The following ATP1B1 variants were observed in gnomAD, a reference collection of about 807,000 sequenced individuals.
ATP1B1 encodes the protein sodium/potassium-transporting ATPase subunit beta-1.
In ATP1B1, 3 loss-of-function variants were observed where a neutral mutation model predicts 39.6. The observed-to-expected ratio is 0.08, with a 90% confidence interval of 0.03 to 0.20. The LOEUF is 0.20. Among genes scored for constraint, ATP1B1 ranks in the 10% least tolerant of loss-of-function variants. The pLI, the probability that ATP1B1 is intolerant of heterozygous loss-of-function variation, is 1.00. For missense variants in ATP1B1, 216 were observed against 371.1 expected, an observed-to-expected ratio of 0.58 and a Z score of 3.43; for synonymous variants, 139 against 135.0, an observed-to-expected ratio of 1.03 and a Z score of -0.20.
At chr1:169,122,492 G>T (rs894646472) in intron 2 of ATP1B1, among the ~76,000 whole-genome samples, 5 of 151,988 alleles carry the variant, frequency 3.3e-5, no homozygotes, top group African/African-American at 1.2e-4. Context: ...CTGCTGTTTT[G>T]CACCATAAAT....
At chr1:169,108,643 AG>A (rs1336458347) in intron 1 of ATP1B1, among the ~76,000 whole-genome samples, 2 of 152,190 alleles carry the variant, frequency 1.3e-5, no homozygotes, top group Non-Finnish European at 2.9e-5. Flanking sequence ...TTAGAGGGTA[AG>A]GCAGTATGGA....
intron 2 of ATP1B1, among the ~76,000 whole-genome samples, chr1:169,114,746 C>T (rs534790828): frequency 2.6e-4 from 39 of 152,184 alleles, no homozygotes; most frequent in Non-Finnish European, 3.7e-4. Flanking sequence ...GTGTTGCAGC[C>T]GGTGTGGTAG....
chr1:169,109,779 G>C (rs1208542530), intron 1 of ATP1B1, among the ~76,000 whole-genome samples: 1 of 151,872 alleles, frequency 6.6e-6, no homozygotes, highest in African/African-American at 2.4e-5. Context: ...AGGTGGGGGT[G>C]GGGGGCAGCA....
chr1:169,123,548 C>T (rs1658026560), intron 2 of ATP1B1, among the ~76,000 whole-genome samples: 1 of 151,290 alleles, frequency 6.6e-6, no homozygotes, highest in South Asian at 2.1e-4. Context: ...AGGGTGCCCA[C>T]TTAAGTTTGA....
At chr1:169,110,732 CT>C (rs1354212120) in intron 1 of ATP1B1, 3 of 1,238,786 alleles carry the variant, frequency 2.4e-6, no homozygotes, top group Non-Finnish European at 2.1e-6. Context: ...ATAGAATTTT[CT>C]TTTTTTCCCC....
chr1:169,115,473 C>T (rs1395178885), intron 2 of ATP1B1, among the ~76,000 whole-genome samples: 2 of 151,628 alleles, frequency 1.3e-5, no homozygotes, highest in East Asian at 2.0e-4. Context: ...CTCAGCCTCC[C>T]GAGTAGCTGG....
Position 169,132,067 on chromosome 1 carries a change from G to A in ATP1B1, c.*512G>A. ...GTTTTTTGGCTCTTTCAAAGGTAAT[G>A]GCCCATCGATGAGCATTTTTAACAT... On this transcript the variant is annotated 3_prime_UTR_variant, in exon 6 of 6. Coordinates refer to ENST00000367815, the MANE Select transcript of ATP1B1 (RefSeq NM_001677.4). The A allele has an allele frequency of 2.5e-5, 7 of 274,518 alleles. No homozygotes were observed. Among genetic ancestry groups the A allele is most frequent in the South Asian group, 2.3e-4 (7 of 30,946 alleles). The allele number at this position is 274,518 out of a possible 1,614,324, so 17.0% of individuals were successfully genotyped here.
chr1:169,113,018 C>T (rs1657760416), intron 2 of ATP1B1, among the ~76,000 whole-genome samples: 1 of 150,990 alleles, frequency 6.6e-6, no homozygotes, highest in Non-Finnish European at 1.5e-5. Context: ...TGTTTTTGTT[C>T]TTTGTTATGC....
At chr1:169,112,023 T>G (rs1012649024) in intron 2 of ATP1B1, among the ~76,000 whole-genome samples, 3 of 152,150 alleles carry the variant, frequency 2.0e-5, no homozygotes, top group African/African-American at 7.2e-5. Flanking sequence ...AGCCATGACT[T>G]TAGGGGTCTA....
intron 2 of ATP1B1, among the ~76,000 whole-genome samples, chr1:169,115,640 C>T (rs552970024): frequency 6.6e-6 from 1 of 152,260 alleles, no homozygotes; most frequent in South Asian, 2.1e-4. Context: ...TGAGCCACCG[C>T]ACCTGGTCCA....
At chr1:169,120,372 T>G (rs989852669) in intron 2 of ATP1B1, among the ~76,000 whole-genome samples, 1 of 152,158 alleles carries the variant, frequency 6.6e-6, no homozygotes, top group African/African-American at 2.4e-5. Context: ...AAGGCTTATG[T>G]TAGTTACCAC....
chr1:169,125,671 C>T (rs1352486916), intron 3 of ATP1B1, among the ~76,000 whole-genome samples: 5 of 152,138 alleles, frequency 3.3e-5, no homozygotes, highest in Non-Finnish European at 7.4e-5. Context: ...TGTTCTCATT[C>T]TTTCCACAAA....
intron 4 of ATP1B1, 103 bp downstream of exon 4, chr1:169,127,511 C>A: frequency 1.5e-6 from 2 of 1,293,046 alleles, no homozygotes; most frequent in Non-Finnish European, 2.1e-6. Context: ...ATACTCAGTG[C>A]TGACTTTGAA....
At chr1:169,110,236 C>T (rs1657698119) in intron 1 of ATP1B1, among the ~76,000 whole-genome samples, 1 of 151,990 alleles carries the variant, frequency 6.6e-6, no homozygotes, top group South Asian at 2.1e-4. Flanking sequence ...CAGTTGTGTA[C>T]CCACTCCCTC....
chr1:169,113,130 A>G (rs1439361487), intron 2 of ATP1B1, among the ~76,000 whole-genome samples: 1 of 151,904 alleles, frequency 6.6e-6, no homozygotes, highest in Admixed American at 6.6e-5. Context: ...CAGTGGCGCA[A>G]TCTCAGCTCA....
intron 4 of ATP1B1, among the ~76,000 whole-genome samples, chr1:169,129,808 C>T (rs1198929268): frequency 1.3e-5 from 2 of 152,196 alleles, no homozygotes; most frequent in Non-Finnish European, 2.9e-5. Flanking sequence ...AACTTGGGCA[C>T]TTATTTTCAT....
rs1195762958 is a variant in ATP1B1, at chr1:169,131,499, A to G, written c.856A>G (p.Ser286Gly). ...GGCGTACGGTGAGAACATTGGGTAC[A>G]GTGAGAAAGACCGTTTTCAGGGACG... ...CKAYGENIGY[S>G]EKDRFQGRFD... Residue 286 changes from serine to glycine, a missense_variant, in exon 6 of 6, where the codon AGT (serine) becomes GGT (glycine). Coordinates refer to ENST00000367815, the MANE Select transcript of ATP1B1 (RefSeq NM_001677.4). The surrounding 1 kb of genome is among the most constrained non-coding windows in gnomAD (Gnocchi z 4.4). 6.2e-7 allele frequency: 1 copy of G among 1,614,168 alleles called. No homozygotes were observed. Among genetic ancestry groups the G allele is most frequent in the Non-Finnish European group, 8.5e-7 (1 of 1,180,030 alleles).
At chr1:169,112,656 C>T (rs925882375) in intron 2 of ATP1B1, among the ~76,000 whole-genome samples, 3 of 152,090 alleles carry the variant, frequency 2.0e-5, no homozygotes, top group Admixed American at 6.5e-5. Context: ...CTTCAAAATA[C>T]GGAGGTGGCA....
chr1:169,109,646 G>A (rs1179839626), intron 1 of ATP1B1, among the ~76,000 whole-genome samples: 1 of 152,134 alleles, frequency 6.6e-6, no homozygotes, highest in Non-Finnish European at 1.5e-5. Context: ...ATTTTAAACT[G>A]TAGCCTCAAT....
Sources: allele counts gnomAD v4.1 joint callset (sites outside exome capture counted in the v4.1 genomes callset), GRCh38; gene constraint gnomAD v4.1.1; non-coding constraint Gnocchi (gnomAD v3.1); transcripts MANE v1.5; gene names NCBI Gene and HGNC (gene_info 2026-07-23, HGNC 2026-07-21).